The following LMLN variants were observed in gnomAD, a reference collection of about 807,000 sequenced individuals.
LMLN encodes the protein leishmanolysin-like peptidase.
In LMLN, 70 loss-of-function variants were observed where a neutral mutation model predicts 92.3. The observed-to-expected ratio is 0.76, with a 90% CI of 0.63 to 0.92. The LOEUF is 0.92. LMLN is among the 40% of genes least tolerant of loss of function. The pLI is 0.00. For synonymous variants in LMLN, 308 were observed against 296.2 expected (o/e 1.04, Z -0.41); for missense variants, 691 against 814.6 (o/e 0.85, Z 1.85).
intron 6 of LMLN, among the ~76,000 whole-genome samples, chr3:197,982,838 C>G (rs1488765776): frequency 1.3e-5 from 2 of 152,234 alleles, no homozygotes; most frequent in East Asian, 3.8e-4. Context: ...GAAACGTTAG[C>G]TGCAACCTGA....
rs566035151 is a variant in LMLN, at chr3:198,035,250, G to C, written c.1657-583G>C. On this transcript the variant is annotated intron_variant, in intron 14 of 15. Coordinates refer to ENST00000330198, the Ensembl canonical transcript of LMLN. ...GTGTGTGCCCCCTTGTAATTTTTGG[G>C]AAAAGTGTCCATAGCTTCCATCAGA... 7.3e-5 allele frequency among the ~76,000 whole-genome samples: 11 copies of C among 151,462 alleles called. No individual in the cohort carries two copies. In the East Asian group the frequency reaches 1.9e-3, roughly 27 times the overall value.
intron 3 of LMLN, 144 bp from the exon 4 acceptor site, chr3:197,975,885 C>G: frequency 1.8e-6 from 1 of 540,646 alleles, no homozygotes; most frequent in Non-Finnish European, 3.3e-6. Flanking sequence ...CTTCCTACCC[C>G]TTGCCATACA....
At chr3:198,021,503 G>A (rs746474441) in exon 13 of LMLN, 31 of 1,613,952 alleles carry the variant, frequency 1.9e-5, no homozygotes, top group East Asian at 8.9e-5. Flanking sequence ...TGGTGGCTCC[G>A]TGGAAATTGC....
chr3:198,022,351 T>C (rs756504898), intron 13 of LMLN, among the ~76,000 whole-genome samples: 2 of 152,256 alleles, frequency 1.3e-5, no homozygotes, highest in Non-Finnish European at 2.9e-5. Context: ...AGAAATGTTC[T>C]CACATCTGAT....
At chr3:198,014,437 C>T (rs1722556928) in intron 11 of LMLN, among the ~76,000 whole-genome samples, 1 of 129,664 alleles carries the variant, frequency 7.7e-6, no homozygotes, top group Non-Finnish European at 1.6e-5. Context: ...CCTTCAGAGC[C>T]CCCTAACTAG....
intron 8 of LMLN, among the ~76,000 whole-genome samples, chr3:197,989,378 G>C (rs76112003): frequency 0.065 from 9,835 of 151,962 alleles, 378 homozygotes; most frequent in African/African-American, 0.1. Context: ...AGATTTTTAC[G>C]CTGTCATTTT....
chr3:198,020,771 T>G (rs796073578), intron 12 of LMLN, among the ~76,000 whole-genome samples: 1,128 of 82,312 alleles, frequency 0.014, 21 homozygotes, highest in African/African-American at 0.059. Context: ...TTTTTGTATT[T>G]TTTTTTTTTT....
At chr3:197,991,271 TTTTG>T (rs1395593169) in intron 9 of LMLN, among the ~76,000 whole-genome samples, 4 of 151,778 alleles carry the variant, frequency 2.6e-5, no homozygotes, top group Non-Finnish European at 5.9e-5. Flanking sequence ...GCCCAGCTAA[TTTTG>T]TTTATTTTTT....
At chr3:198,014,389 T>C (rs1465762772) in intron 11 of LMLN, among the ~76,000 whole-genome samples, 7 of 43,064 alleles carry the variant, frequency 1.6e-4, no homozygotes, top group Non-Finnish European at 2.7e-4. Flanking sequence ...CTTCTCTGTA[T>C]CCTTCAGAGC....
intron 1 of LMLN, among the ~76,000 whole-genome samples, chr3:197,965,454 T>C (rs1159454435): frequency 4.6e-5 from 7 of 152,080 alleles, no homozygotes; most frequent in African/African-American, 1.4e-4. Context: ...TTGCCCGGGC[T>C]GGTCTTGAGC....
chr3:197,990,639 G>T (rs373637110), exon 9 of LMLN: 2 of 1,598,394 alleles, frequency 1.3e-6, no homozygotes, highest in African/African-American at 2.7e-5. Flanking sequence ...AAGATAGTTC[G>T]TCACACTGTG....
intron 8 of LMLN, among the ~76,000 whole-genome samples, chr3:197,987,084 C>T (rs1308961172): frequency 6.6e-6 from 1 of 151,858 alleles, no homozygotes; most frequent in Non-Finnish European, 1.5e-5. Flanking sequence ...AGGTGATCTG[C>T]CCGCCTCGGC....
At chr3:197,964,931 C>T (rs1028460588) in intron 1 of LMLN, among the ~76,000 whole-genome samples, 16 of 150,654 alleles carry the variant, frequency 1.1e-4, no homozygotes, top group Admixed American at 1.1e-3. Flanking sequence ...TGCTTGAATT[C>T]AGGAGGTGGA....
intron 1 of LMLN, among the ~76,000 whole-genome samples, chr3:197,966,743 A>G (rs1423876610): frequency 1.3e-5 from 2 of 151,570 alleles, no homozygotes; most frequent in Non-Finnish European, 2.9e-5. Flanking sequence ...CCCTTTTTAC[A>G]TTTTGCTGGG....
At chr3:198,003,158 T>G (rs1722221401) in intron 11 of LMLN, 33 bp downstream of exon 12, 8 of 1,219,558 alleles carry the variant, frequency 6.6e-6, no homozygotes, top group Non-Finnish European at 1.2e-6. Context: ...TGTCACTGAT[T>G]ACACAGTTCC....
intron 1 of LMLN, among the ~76,000 whole-genome samples, chr3:197,967,700 G>A (rs1296886993): frequency 2.0e-5 from 3 of 152,164 alleles, no homozygotes; most frequent in Admixed American, 6.5e-5. Context: ...TCACCAGGGT[G>A]GGGTTTTTTC....
At chr3:197,971,581 GGTT>G (rs1230769330) in intron 1 of LMLN, among the ~76,000 whole-genome samples, 1 of 152,056 alleles carries the variant, frequency 6.6e-6, no homozygotes, top group African/African-American at 2.4e-5. Flanking sequence ...TGATGTACCT[GGTT>G]GTTGTTTGTT....
chr3:197,982,749 G>T (rs1721595605), intron 6 of LMLN, among the ~76,000 whole-genome samples: 1 of 152,184 alleles, frequency 6.6e-6, no homozygotes, highest in South Asian at 2.1e-4. Context: ...AAAATAAATA[G>T]AATGTTGTAA....
intron 11 of LMLN, among the ~76,000 whole-genome samples, chr3:198,015,514 C>G (rs924860565): frequency 1.0e-4 from 15 of 145,628 alleles, no homozygotes; most frequent in African/African-American, 3.9e-4. Flanking sequence ...TCAGAGCCCC[C>G]TAAGTAGTTT....
Sources: gnomAD v4.1 joint callset for allele counts (sites outside exome capture counted in the v4.1 genomes callset) on GRCh38, gnomAD v4.1.1 for gene constraint, MANE v1.5 for transcripts, NCBI Gene and HGNC (gene_info 2026-07-23, HGNC 2026-07-21) for gene names.